Variants in VEPH1 observed in about 807,000 individuals in gnomAD.
The protein encoded by VEPH1 is ventricular zone-expressed PH domain-containing protein homolog 1.
Under a neutral mutation model 85.2 loss-of-function variants are expected in VEPH1, and 80 were observed. The observed-to-expected ratio is 0.94, with a 90% CI of 0.78 to 1.13. The LOEUF (loss-of-function observed/expected upper bound fraction) is 1.13, where lower values mean the gene tolerates loss of function less well. VEPH1 is among the 50% of genes most tolerant of loss of function. The pLI is 0.00. For missense variants in VEPH1, 955 were observed against 980.5 expected, an observed-to-expected ratio of 0.97 and a Z score of 0.35; for synonymous variants, 297 against 348.0, an observed-to-expected ratio of 0.85 and a Z score of 1.63.
intron 13 of VEPH1, among the ~76,000 whole-genome samples, chr3:157,264,291 C>G (rs1713311799): frequency 6.6e-6 from 1 of 152,202 alleles, no homozygotes; most frequent in Non-Finnish European, 1.5e-5. Context: ...TGGCCTTGGA[C>G]TGGGAGTTAT....
chr3:157,424,618 A>G (rs867150947), intron 5 of VEPH1, among the ~76,000 whole-genome samples: 3 of 152,354 alleles, frequency 2.0e-5, no homozygotes, highest in Middle Eastern at 3.4e-3. Flanking sequence ...ACTTGTTGCA[A>G]ACTACAGCAA....
intron 3 of VEPH1, among the ~76,000 whole-genome samples, chr3:157,469,528 C>T (rs915064947): frequency 6.6e-6 from 1 of 152,100 alleles, no homozygotes; most frequent in African/African-American, 2.4e-5. Flanking sequence ...CAAGGTTAAC[C>T]AGCTTTCTTT....
intron 5 of VEPH1, among the ~76,000 whole-genome samples, chr3:157,424,236 T>G (rs4680361): frequency 6.6e-6 from 1 of 152,026 alleles, no homozygotes; most frequent in South Asian, 2.1e-4. Context: ...ACTGCCACCA[T>G]GTAAGAAGTG....
intron 11 of VEPH1, among the ~76,000 whole-genome samples, chr3:157,289,381 C>T (rs1225719813): frequency 1.3e-5 from 2 of 152,158 alleles, no homozygotes; most frequent in African/African-American, 2.4e-5. Flanking sequence ...TACCTTCCTG[C>T]GTTCAATTTC....
intron 4 of VEPH1, among the ~76,000 whole-genome samples, chr3:157,450,410 G>A (rs1481532111): frequency 6.6e-6 from 1 of 151,932 alleles, no homozygotes; most frequent in Non-Finnish European, 1.5e-5. Flanking sequence ...TAGAGATAAT[G>A]ATTGTTTTGA....
intron 11 of VEPH1, among the ~76,000 whole-genome samples, chr3:157,301,384 C>T (rs558257407): frequency 1.3e-5 from 2 of 152,078 alleles, no homozygotes; most frequent in Admixed American, 1.3e-4. Context: ...TTGTTTTTTC[C>T]TGGGCCTGTT....
At chr3:157,390,920 G>A (rs1000318812) in intron 6 of VEPH1, among the ~76,000 whole-genome samples, 6 of 152,198 alleles carry the variant, frequency 3.9e-5, no homozygotes, top group African/African-American at 1.4e-4. Context: ...AAGTTTTTGG[G>A]CACCACCACA....
Position 157,432,612 on chromosome 3 carries a change from G to A in VEPH1, c.530-4124C>T, listed in dbSNP as rs138150132. The stretch of plus-strand genomic sequence containing the variant: ...ATATTAGGTTTTCCATATGTGTTTG[G>A]GTCTGTTTCTGGGCATTTATCCATC... On this transcript the variant is annotated intron_variant, in intron 4 of 13. Transcript: ENST00000362010. Among the ~76,000 whole-genome samples the A allele has an allele frequency of 3.2e-3, 481 of 151,822 alleles. 5 individuals carry two copies. Among genetic ancestry groups the A allele is most frequent in the African/African-American group, 0.011 (460 of 41,360 alleles).
At chr3:157,281,080 A>ATG (rs1312086433) in intron 12 of VEPH1, among the ~76,000 whole-genome samples, 7 of 136,186 alleles carry the variant, frequency 5.1e-5, no homozygotes, top group African/African-American at 1.6e-4. Flanking sequence ...GTGTGTGCAT[A>ATG]TGTGTGCGTG....
At chr3:157,480,036 T>TC (rs1354916854) in intron 2 of VEPH1, among the ~76,000 whole-genome samples, 2 of 151,182 alleles carry the variant, frequency 1.3e-5, no homozygotes, top group African/African-American at 4.9e-5. Context: ...CTTTCATTCT[T>TC]TTTTTCTTTC....
At chr3:157,363,320 T>C in intron 9 of VEPH1, 44 bp downstream of exon 9, 1 of 1,485,898 alleles carries the variant, frequency 6.7e-7, no homozygotes, top group Non-Finnish European at 9.0e-7. Context: ...TTATTTGCAG[T>C]GACTCCTGAA....
At chr3:157,501,680 G>A (rs1740132952) in intron 1 of VEPH1, among the ~76,000 whole-genome samples, 1 of 152,088 alleles carries the variant, frequency 6.6e-6, no homozygotes, top group African/African-American at 2.4e-5. Context: ...AAACTCTTGG[G>A]GGAGATTTCA....
intron 4 of VEPH1, chr3:157,437,662 C>A: frequency 6.5e-7 from 1 of 1,541,240 alleles, no homozygotes; most frequent in African/African-American, 1.4e-5. Context: ...GGAGCTGGGC[C>A]GGCTCGCGGA....
intron 11 of VEPH1, among the ~76,000 whole-genome samples, chr3:157,309,319 T>C (rs910755875): frequency 2.6e-5 from 4 of 152,198 alleles, no homozygotes; most frequent in Admixed American, 2.6e-4. Flanking sequence ...GGCATAGTTT[T>C]TCTTTTGTTA....
chr3:157,488,019 T>C (rs1459300138), intron 2 of VEPH1, among the ~76,000 whole-genome samples: 4 of 152,048 alleles, frequency 2.6e-5, no homozygotes, highest in Non-Finnish European at 5.9e-5. Flanking sequence ...GGAGAGCTAG[T>C]CAGGATATGA....
At chr3:157,308,234 G>T (rs1719729939) in intron 11 of VEPH1, among the ~76,000 whole-genome samples, 3 of 151,652 alleles carry the variant, frequency 2.0e-5, no homozygotes, top group Middle Eastern at 3.4e-3. Flanking sequence ...CCCTGCATTG[G>T]GTAGGATCAC....
At chr3:157,290,742 A>G (rs1048887506) in intron 11 of VEPH1, among the ~76,000 whole-genome samples, 3 of 152,244 alleles carry the variant, frequency 2.0e-5, no homozygotes, top group Non-Finnish European at 4.4e-5. Flanking sequence ...TTAATTCAAG[A>G]AGATTAAAAC....
At chr3:157,462,170 C>A (rs1475350749) in intron 3 of VEPH1, among the ~76,000 whole-genome samples, 1 of 150,782 alleles carries the variant, frequency 6.6e-6, no homozygotes, top group African/African-American at 2.4e-5. Flanking sequence ...AGGACTTAAA[C>A]AGACACGTTA....
At chr3:157,370,082 G>C (rs149838846) in intron 7 of VEPH1, among the ~76,000 whole-genome samples, 2 of 152,260 alleles carry the variant, frequency 1.3e-5, no homozygotes, top group East Asian at 3.9e-4. Flanking sequence ...ATTACAAGAG[G>C]TTCAGATAAT....
Sources: allele counts gnomAD v4.1 joint callset (sites outside exome capture counted in the v4.1 genomes callset), GRCh38; gene constraint gnomAD v4.1.1; transcripts MANE v1.5; gene names NCBI Gene and HGNC (gene_info 2026-07-23, HGNC 2026-07-21).